INO80: variants seen among roughly 807,000 people sequenced by gnomAD.
INO80 encodes INO80 complex ATPase subunit.
A neutral mutation model predicts 203.4 loss-of-function variants in INO80; 20 were observed. That is an observed-to-expected ratio of 0.10 (90% CI 0.07 to 0.14). INO80 has a LOEUF of 0.14. INO80 is among the 10% of genes least tolerant of loss of function. INO80 has a pLI of 1.00. For synonymous variants in INO80, 726 were observed against 685.2 expected (o/e 1.06, Z -0.93); for missense variants, 1,419 against 1,914.4 (o/e 0.74, Z 4.83).
chr15:41,051,279 C>A (rs933172609), intron 19 of INO80, among the ~76,000 whole-genome samples: 3 of 151,824 alleles, frequency 2.0e-5, no homozygotes, highest in African/African-American at 7.3e-5. Flanking sequence ...TCTATCTTTG[C>A]TCACACTGCC....
At chr15:41,108,591 CAA>C (rs61591905) in intron 1 of INO80, among the ~76,000 whole-genome samples, 1,639 of 53,106 alleles carry the variant, frequency 0.031, 8 homozygotes, top group Middle Eastern at 0.049. Context: ...GACTCCGTCT[CAA>C]AAAAAAAAAA....
chr15:41,024,642 G>C (rs1313285229), intron 25 of INO80: 1 of 152,202 alleles, frequency 6.6e-6, no homozygotes, highest in Non-Finnish European at 1.5e-5. Context: ...ATTTTGGTAA[G>C]AATAATTCCT....
intron 29 of INO80, among the ~76,000 whole-genome samples, chr15:40,994,891 ATAGACT>A (rs2043861746): frequency 6.6e-6 from 1 of 151,880 alleles, no homozygotes; most frequent in African/African-American, 2.4e-5. Flanking sequence ...GGTACTAGAA[ATAGACT>A]TAGGCTGGAG....
In INO80 at chr15:41,096,016, G is replaced by T. The variant is rs755101707; in HGVS notation, c.144-88C>A. 6.4e-5 allele frequency: 91 copies of T among 1,418,800 alleles called. 1 individual carries two copies. The highest frequency in any genetic ancestry group is 8.0e-5 in the Non-Finnish European group (84 of 1,046,108). 87.9% of individuals were successfully genotyped at this position (1,418,800 alleles called of 1,614,324 possible). On this transcript the variant is annotated intron_variant, in intron 2 of 35. Coordinates refer to ENST00000648947, the MANE Select transcript of INO80 (RefSeq NM_017553.3). ...AACTGGACACTTTACAGAAGAAACT[G>T]TTCCTCTGAAATAAATTGACTTTTT... is the stretch of plus-strand genomic sequence containing the variant.
intron 6 of INO80, 81 bp from the exon 7 acceptor site, chr15:41,085,664 G>T: frequency 1.9e-6 from 2 of 1,075,888 alleles, no homozygotes; most frequent in South Asian, 1.4e-5. Flanking sequence ...AACATGCAAG[G>T]TTCTTTCCTT....
At chr15:41,023,373 C>G (rs1301318042) in intron 25 of INO80, 2 of 392,488 alleles carry the variant, frequency 5.1e-6, no homozygotes, top group African/African-American at 5.8e-5. Context: ...AGCTATACTT[C>G]TATAAAAAGT....
At position 41,053,911 on chromosome 15, in the gene INO80, G is replaced by A; in HGVS notation, c.2274+18C>T. The A allele has an allele frequency of 6.3e-7, 1 of 1,593,426 alleles. No individual in the cohort carries two copies. Reference sequence around the variant, plus strand: ...GGTGCCTATTGAGGCTTAAACACATGAGGTCTTCTTTACTTACCTTGTCAG... The same window carrying A: ...GGTGCCTATTGAGGCTTAAACACATAAGGTCTTCTTTACTTACCTTGTCAG... On this transcript the variant is annotated intron_variant, in intron 19 of 35. Coordinates refer to ENST00000648947, the MANE Select transcript of INO80 (RefSeq NM_017553.3).
intron 25 of INO80, chr15:41,023,161 C>A: frequency 8.3e-6 from 3 of 362,118 alleles, no homozygotes; most frequent in Non-Finnish European, 1.6e-5. Context: ...CCAACTTATT[C>A]ATTTTTCCCA....
At chr15:41,113,291 G>A (rs142012109) in intron 1 of INO80, among the ~76,000 whole-genome samples, 1 of 150,480 alleles carries the variant, frequency 6.6e-6, no homozygotes, top group Non-Finnish European at 1.5e-5. Context: ...TTGAGACAGA[G>A]TTTTGCTCTT....
intron 21 of INO80, 151 bp from the exon 22 acceptor site, chr15:41,048,427 T>C (rs2044805817): frequency 3.3e-6 from 2 of 599,170 alleles, no homozygotes; most frequent in Non-Finnish European, 6.0e-6. Flanking sequence ...GCAAAAATCA[T>C]AGCATACATT....
intron 25 of INO80, among the ~76,000 whole-genome samples, chr15:41,026,331 T>G (rs1024638769): frequency 6.6e-6 from 1 of 152,092 alleles, no homozygotes; most frequent in African/African-American, 2.4e-5. Flanking sequence ...GACAGGTAGA[T>G]AGCTTGAACT....
chr15:41,081,386 A>G (rs2045482462), intron 7 of INO80, among the ~76,000 whole-genome samples: 1 of 152,196 alleles, frequency 6.6e-6, no homozygotes, highest in African/African-American at 2.4e-5. Flanking sequence ...CCTTAGCACT[A>G]TCCTGATTAA....
intron 25 of INO80, 50 bp from the exon 26 acceptor site, chr15:41,021,175 A>T: frequency 7.7e-7 from 1 of 1,304,636 alleles, no homozygotes; most frequent in Non-Finnish European, 1.1e-6. Context: ...GTCCATACAC[A>T]CTATGCCTTT....
At chr15:41,056,797 C>T in intron 16 of INO80, 91 bp from the exon 17 acceptor site, 1 of 973,586 alleles carries the variant, frequency 1.0e-6, no homozygotes, top group Non-Finnish European at 1.6e-6. Context: ...AAATGCCTTC[C>T]AAAAAACTAA....
In INO80 at chr15:41,078,061, G is replaced by A. The variant is rs143325109; in HGVS notation, c.1131+1640C>T. On this transcript the variant is annotated intron_variant, in intron 9 of 35. Transcript: ENST00000648947. ...ATTACAGGCGGCCGCCACCATGCCC[G>A]GCTAATTTTTGTATTTTTAGTAGAG... Among the ~76,000 whole-genome samples, 1,258 of 151,932 alleles carry A rather than the reference G, an allele frequency of 8.3e-3. 21 individuals carry two copies. Among genetic ancestry groups the A allele is most frequent in the African/African-American group, 0.027 (1,130 of 41,446 alleles).
intron 24 of INO80, among the ~76,000 whole-genome samples, chr15:41,037,485 T>C (rs951637064): frequency 2.7e-5 from 4 of 150,752 alleles, no homozygotes; most frequent in East Asian, 2.0e-4. Context: ...GCCTGGGCAA[T>C]AGAGCAAGAC....
chr15:41,064,381 CT>C (rs998571150), intron 14 of INO80, among the ~76,000 whole-genome samples: 22 of 152,218 alleles, frequency 1.4e-4, no homozygotes, highest in African/African-American at 5.3e-4. Context: ...ATGAATTACA[CT>C]TTTTATTTTT....
intron 29 of INO80, among the ~76,000 whole-genome samples, chr15:40,991,518 A>C (rs1364573332): frequency 6.6e-6 from 1 of 152,166 alleles, no homozygotes; most frequent in Non-Finnish European, 1.5e-5. Flanking sequence ...ACATTCCAGA[A>C]AAAAACAAGT....
rs544268968 is a variant in INO80 at position 41,053,834 on chromosome 15, A to G, written c.2274+95T>C. 9.8e-5 allele frequency: 85 copies of G among 871,162 alleles called. No homozygotes were observed. The African/African-American group carries it at 1.2e-3, about 13-fold the overall frequency. The allele number at this position is 871,162 out of a possible 1,614,324, so 54.0% of individuals were successfully genotyped here. On this transcript the variant is annotated intron_variant, in intron 19 of 35. Coordinates refer to ENST00000648947, the MANE Select transcript of INO80 (RefSeq NM_017553.3). ...CAAGTTTAAACGTCTTCCTTCAAGC[A>G]AACTTCAACTAAACATATATCAATA...
Sources: allele counts gnomAD v4.1 joint callset (sites outside exome capture counted in the v4.1 genomes callset), GRCh38; gene constraint gnomAD v4.1.1; transcripts MANE v1.5; gene names NCBI Gene and HGNC (gene_info 2026-07-23, HGNC 2026-07-21).